Variants in BEND2 observed in about 807,000 individuals in gnomAD.
The protein encoded by BEND2 is BEN domain-containing protein 2.
BEND2 carries 19 observed loss-of-function variants against 43.8 expected under a neutral mutation model. The ratio of observed to expected loss-of-function variants is 0.43; its 90% CI spans 0.30 to 0.64. The LOEUF is 0.64. BEND2 is among the 30% of genes least tolerant of loss of function. BEND2 has a pLI of 0.11. For synonymous variants in BEND2, 226 were observed against 210.1 expected (o/e 1.08, Z -0.66); for missense variants, 544 against 574.0 (o/e 0.95, Z 0.53).
intron 4 of BEND2, among the ~76,000 whole-genome samples, chrX:18,205,629 A>G (rs1166688217): frequency 9.5e-6 from 1 of 105,413 alleles, no homozygotes; most frequent in African/African-American, 3.4e-5. Context: ...AAAAAAAAAA[A>G]AAAAAGCTCC....
intron 13 of BEND2, among the ~76,000 whole-genome samples, chrX:18,166,533 G>C (rs1473539096): frequency 9.0e-6 from 1 of 111,421 alleles, no homozygotes; most frequent in African/African-American, 3.3e-5. Context: ...ACGCATAAAT[G>C]AGGGAGGTGG....
intron 5 of BEND2, among the ~76,000 whole-genome samples, chrX:18,203,288 G>A (rs1925224392): frequency 9.0e-6 from 1 of 110,949 alleles, no homozygotes; most frequent in South Asian, 3.8e-4. Context: ...ACACACAAAT[G>A]AATACAAACT....
chrX:18,192,921 C>G (rs1449052063), intron 7 of BEND2, among the ~76,000 whole-genome samples: 1 of 111,998 alleles, frequency 8.9e-6, no homozygotes, highest in Non-Finnish European at 1.9e-5. Context: ...AGGTGGATCA[C>G]TTGGTGCCAG....
In BEND2 at chrX:18,212,691, A is replaced by G; in HGVS notation, c.377-11T>C. The stretch of plus-strand genomic sequence containing the variant: ...GGTCACCATGGGCTACTGTGAAGCA[A>G]TGCATTAAAAAGTTATTTCATACAC... On this transcript the variant is annotated splice_polypyrimidine_tract_variant and intron_variant, in intron 3 of 13. Coordinates refer to ENST00000380033, the MANE Select transcript of BEND2 (RefSeq NM_153346.5). 2 of 1,114,504 alleles carry G rather than the reference A, an allele frequency of 1.8e-6. No homozygotes were observed. The highest frequency in any genetic ancestry group is 2.5e-6 in the Non-Finnish European group (2 of 809,505). 91.8% of individuals were successfully genotyped at this position (1,114,504 alleles called of 1,213,427 possible). A position where few individuals can be genotyped will look rare whatever the true frequency, so the allele number is the denominator to read the frequency against.
intron 8 of BEND2, among the ~76,000 whole-genome samples, chrX:18,181,709 C>A (rs757802322): frequency 9.0e-6 from 1 of 111,492 alleles, no homozygotes; most frequent in Non-Finnish European, 1.9e-5. Context: ...AAGTCACATA[C>A]GTATACAGTA....
chrX:18,164,068 G>C lies in BEND2; in HGVS notation c.*941C>G, dbSNP rs1923759648. 9.0e-6 allele frequency: 1 copy of C among 110,507 alleles called. No homozygotes were observed. The highest frequency in any genetic ancestry group is 4.0e-4 in the South Asian group (1 of 2,516). 9.1% of individuals were successfully genotyped at this position (110,507 alleles called of 1,213,427 possible). On this transcript the variant is annotated 3_prime_UTR_variant, in exon 14 of 14. Coordinates refer to ENST00000380033, the MANE Select transcript of BEND2 (RefSeq NM_153346.5). ...GACGGAGTCTCACTCTGTCACCCAG[G>C]CTCGAGTGCAGTGGCACAATCTCGG...
chrX:18,171,750 T>C (rs1923984277), intron 12 of BEND2, among the ~76,000 whole-genome samples: 1 of 112,187 alleles, frequency 8.9e-6, no homozygotes, highest in Non-Finnish European at 1.9e-5. Flanking sequence ...TAATATACTG[T>C]TTGTTACCTT....
rs1255613874 is a variant in BEND2, at chrX:18,202,019, A to G, written c.908-79T>C. The G allele has an allele frequency of 3.1e-6, 3 of 960,513 alleles. No individual in the cohort carries two copies. In the African/African-American group the frequency reaches 6.1e-5, roughly 19 times the overall value. 79.2% of individuals were successfully genotyped at this position (960,513 alleles called of 1,213,427 possible). ...CTATACAAAGCAAAATTATCCTTCAAGAAAGAAAGAGAAACAGACATTCAC... is the reference window on the plus strand; with the variant it reads ...CTATACAAAGCAAAATTATCCTTCAGGAAAGAAAGAGAAACAGACATTCAC... On this transcript the variant is annotated intron_variant, in intron 5 of 13. Coordinates refer to ENST00000380033, the MANE Select transcript of BEND2 (RefSeq NM_153346.5).
At chrX:18,166,969 T>C (rs1394718519) in intron 13 of BEND2, among the ~76,000 whole-genome samples, 4 of 111,020 alleles carry the variant, frequency 3.6e-5, no homozygotes. Context: ...AGGTCTTTCC[T>C]AGCCGTTTGA....
chrX:18,186,482 T>C (rs1348386740), intron 8 of BEND2, among the ~76,000 whole-genome samples: 2 of 96,832 alleles, frequency 2.1e-5, no homozygotes, highest in African/African-American at 7.5e-5. Flanking sequence ...AAAAAAGACA[T>C]AGTACAATAA....
chrX:18,204,608 T>TA (rs1925272588), intron 4 of BEND2, among the ~76,000 whole-genome samples: 1 of 112,058 alleles, frequency 8.9e-6, no homozygotes, highest in Non-Finnish European at 1.9e-5. Context: ...TGTTAACTGC[T>TA]AGACACAACA....
chrX:18,202,819 C>T (rs1001377174), intron 5 of BEND2, among the ~76,000 whole-genome samples: 1 of 111,750 alleles, frequency 8.9e-6, no homozygotes, highest in African/African-American at 3.3e-5. Context: ...CTTCCATTTA[C>T]ACAAAAACTT....
At chrX:18,168,391 G>A (rs189819625) in intron 13 of BEND2, among the ~76,000 whole-genome samples, 354 of 111,777 alleles carry the variant, frequency 3.2e-3, no homozygotes, top group African/African-American at 0.01. Flanking sequence ...ACAAGGGAAG[G>A]TACATTTTGA....
intron 4 of BEND2, among the ~76,000 whole-genome samples, chrX:18,210,216 T>C (rs1446048705): frequency 9.0e-6 from 1 of 111,301 alleles, no homozygotes; most frequent in South Asian, 3.8e-4. Flanking sequence ...TGAAAAAGAA[T>C]TCAAATTGCT....
chrX:18,196,170 G>A lies in BEND2; in HGVS notation c.1034-728C>T, dbSNP rs185022625. Among the ~76,000 whole-genome samples, 72 of 109,296 alleles carry A rather than the reference G, an allele frequency of 6.6e-4. 1 individual carries two copies. The East Asian group carries it at 0.021, about 31-fold the overall frequency. 94.9% of individuals were successfully genotyped at this position (109,296 alleles called of 115,157 possible). A position where few individuals can be genotyped will look rare whatever the true frequency, so the allele number is the denominator to read the frequency against. On this transcript the variant is annotated intron_variant, in intron 6 of 13. Transcript: ENST00000380033. ...AAAAATTTGCCGGGTGTGGTGGTGG[G>A]TGCCTGTAATCCCAGCTACTTGGGA...
Position 18,184,407 on chromosome X carries a change from G to A in BEND2, c.1289-3757C>T, listed in dbSNP as rs755125255. 2.1e-3 allele frequency among the ~76,000 whole-genome samples: 237 copies of A among 111,972 alleles called. 1 individual carries two copies. The highest frequency in any genetic ancestry group is 6.3e-3 in the African/African-American group (193 of 30,874). On this transcript the variant is annotated intron_variant, in intron 8 of 13. Transcript: ENST00000380033. ...TGAGGCAGGAGAATCTCTTGAGCCCGGGAGGTGGAGATTGCAGTGAGCAGA... is the reference window on the plus strand; with the variant it reads ...TGAGGCAGGAGAATCTCTTGAGCCCAGGAGGTGGAGATTGCAGTGAGCAGA...
chrX:18,177,346 G>A (rs1924205459), intron 10 of BEND2, among the ~76,000 whole-genome samples: 1 of 99,746 alleles, frequency 1.0e-5, no homozygotes, highest in South Asian at 5.0e-4. Flanking sequence ...GATGAGGCTT[G>A]TCTTATTCAA....
chrX:18,203,197 G>A (rs1925220745), intron 5 of BEND2, among the ~76,000 whole-genome samples: 1 of 110,670 alleles, frequency 9.0e-6, no homozygotes, highest in East Asian at 2.8e-4. Context: ...TGATAGAACG[G>A]TTCTGTATCT....
At chrX:18,206,682 G>A (rs761767859) in intron 4 of BEND2, among the ~76,000 whole-genome samples, 42 of 110,992 alleles carry the variant, frequency 3.8e-4, no homozygotes, top group African/African-American at 1.2e-3. Context: ...TCAGAAGAAG[G>A]GCGGGGATGG....
Sources: allele counts gnomAD v4.1 joint callset (sites outside exome capture counted in the v4.1 genomes callset), GRCh38; gene constraint gnomAD v4.1.1; transcripts MANE v1.5; gene names NCBI Gene and HGNC (gene_info 2026-07-23, HGNC 2026-07-21).